Variants in SLTM observed in about 807,000 individuals in gnomAD.
SLTM encodes SAFB-like transcription modulator.
Under a neutral mutation model 134.6 loss-of-function variants are expected in SLTM, and 43 were observed. The observed-to-expected ratio is 0.32, with a 90% CI of 0.25 to 0.41. SLTM has a LOEUF of 0.41. SLTM is among the 10% of genes least tolerant of loss of function. The probability of loss-of-function intolerance (pLI) is 1.00; values close to 1 mark genes in which losing one functional copy is unlikely to be tolerated. For missense variants in SLTM, 1,055 were observed against 1,288.8 expected, an observed-to-expected ratio of 0.82 and a Z score of 2.78; for synonymous variants, 424 against 432.3, an observed-to-expected ratio of 0.98 and a Z score of 0.24.
chr15:58,902,389 G>GT (rs11380812), intron 5 of SLTM, among the ~76,000 whole-genome samples: 136,913 of 142,870 alleles, frequency 0.96, 65,739 homozygotes, highest in Middle Eastern at 1. Flanking sequence ...TGTTTTGATT[G>GT]TTTTTTTTTT....
chr15:58,881,085 G>A (rs867447528), intron 20 of SLTM, among the ~76,000 whole-genome samples: 1 of 151,966 alleles, frequency 6.6e-6, no homozygotes, highest in Admixed American at 6.6e-5. Context: ...TTGGGAGGCC[G>A]AGGCGGGCGG....
At chr15:58,916,862 A>G in intron 3 of SLTM, 73 bp downstream of exon 3, 1 of 1,381,208 alleles carries the variant, frequency 7.2e-7, no homozygotes, top group Non-Finnish European at 1.0e-6. Context: ...TTGTTCAACA[A>G]AAAGCACAAA....
Position 58,890,473 on chromosome 15 carries a change from C to G in SLTM, c.1899-12G>C. On this transcript the variant is annotated splice_polypyrimidine_tract_variant and intron_variant, in intron 14 of 20. Transcript: ENST00000380516. ...CAATCTCTCTTCGTCTACCAAAAAT[C>G]AGTATTTAGAAATACTTAAATTATG... is the stretch of plus-strand genomic sequence containing the variant. The G allele has an allele frequency of 6.2e-7, 1 of 1,611,658 alleles. No individual in the cohort carries two copies. Among genetic ancestry groups the G allele is most frequent in the African/African-American group, 1.3e-5 (1 of 74,892 alleles).
intron 3 of SLTM, among the ~76,000 whole-genome samples, chr15:58,915,593 C>G (rs1486028772): frequency 6.6e-6 from 1 of 152,138 alleles, no homozygotes; most frequent in Non-Finnish European, 1.5e-5. Context: ...CAAACACAAG[C>G]TGATTACAGG....
intron 5 of SLTM, among the ~76,000 whole-genome samples, chr15:58,907,992 A>G (rs2035982442): frequency 8.3e-6 from 1 of 120,250 alleles, no homozygotes; most frequent in African/African-American, 3.4e-5. Context: ...ATCCCTATAT[A>G]AACATGCTGC....
intron 6 of SLTM, 72 bp from the exon 7 acceptor site, chr15:58,900,009 T>C (rs2035354896): frequency 2.5e-6 from 3 of 1,208,780 alleles, no homozygotes; most frequent in Non-Finnish European, 1.1e-6. Context: ...TAAGCTAGAA[T>C]AGGACCTAGA....
intron 19 of SLTM, among the ~76,000 whole-genome samples, chr15:58,886,052 A>C (rs1267649637): frequency 6.6e-6 from 1 of 152,168 alleles, no homozygotes; most frequent in Non-Finnish European, 1.5e-5. Flanking sequence ...TGTCCAGCTC[A>C]TTAACTTACA....
chr15:58,890,364 GCTCT>G lies in SLTM; in HGVS notation c.1992_1995del (p.Arg664SerfsTer3). The stretch of plus-strand genomic sequence containing the variant: ...AGTTTTTGCCTTTCAATTTCTAGGC[GCTCT>G]CTCTCTCTCTGTAAGCGTTCCCGTT... On this transcript the variant is annotated frameshift_variant, in exon 15 of 21. Coordinates refer to ENST00000380516, the MANE Select transcript of SLTM (RefSeq NM_024755.4). LOFTEE classifies it high-confidence loss of function. 6.2e-7 allele frequency: 1 copy of G among 1,602,374 alleles called. No individual in the cohort carries two copies. The highest frequency in any genetic ancestry group is 1.1e-5 in the South Asian group (1 of 90,132).
At chr15:58,896,280 G>A (rs371343002) in intron 9 of SLTM, among the ~76,000 whole-genome samples, 6 of 152,048 alleles carry the variant, frequency 3.9e-5, no homozygotes, top group South Asian at 2.1e-4. Context: ...ATATTTAGGC[G>A]TGGTGCGATG....
intron 9 of SLTM, 82 bp downstream of exon 9, chr15:58,897,033 T>C (rs1248184307): frequency 1.0e-5 from 8 of 800,942 alleles, no homozygotes; most frequent in African/African-American, 8.6e-5. Context: ...TTAGAAGATA[T>C]TCATGTAATA....
chr15:58,933,282 C>G, intron 1 of SLTM, 122 bp downstream of exon 1: 1 of 1,146,234 alleles, frequency 8.7e-7, no homozygotes, highest in African/African-American at 1.6e-5. Context: ...CCTGGCCTCC[C>G]TACCATGCCG....
At chr15:58,896,217 C>A in intron 9 of SLTM, among the ~76,000 whole-genome samples, 1 of 152,104 alleles carries the variant, frequency 6.6e-6, no homozygotes, top group Non-Finnish European at 1.5e-5. Flanking sequence ...CCCTTTTTAA[C>A]ACCTGTGTAC....
chr15:58,915,583 C>G (rs1393460021), intron 3 of SLTM, among the ~76,000 whole-genome samples: 1 of 152,078 alleles, frequency 6.6e-6, no homozygotes, highest in African/African-American at 2.4e-5. Flanking sequence ...CTTAAAGGCT[C>G]AAACACAAGC....
intron 15 of SLTM, 123 bp downstream of exon 15, chr15:58,890,158 A>C: frequency 9.0e-7 from 1 of 1,109,674 alleles, no homozygotes; most frequent in Non-Finnish European, 1.3e-6. Flanking sequence ...AGGGACACTT[A>C]AAAGCTCCTT....
Position 58,913,697 on chromosome 15 carries a change from C to G in SLTM, c.316-1G>C. ...CCTCTTGATTCTCCAATTCACAGTC[C>G]TTTTAATGGTAAGAAAATTTGGTAC... is the stretch of plus-strand genomic sequence containing the variant. On this transcript the variant is annotated splice_acceptor_variant, in intron 3 of 20. Transcript: ENST00000380516. LOFTEE classifies it high-confidence loss of function. The G allele has an allele frequency of 6.2e-7, 1 of 1,612,202 alleles. No homozygotes were observed. The highest frequency in any genetic ancestry group is 8.5e-7 in the Non-Finnish European group (1 of 1,179,236).
chr15:58,901,026 C>T (rs2035451458), intron 6 of SLTM: 2 of 411,720 alleles, frequency 4.9e-6, no homozygotes, highest in Non-Finnish European at 8.8e-6. Context: ...TAAAAAATAG[C>T]ATTGTTCACT....
At chr15:58,926,067 C>A (rs1051078471) in intron 2 of SLTM, among the ~76,000 whole-genome samples, 1 of 152,140 alleles carries the variant, frequency 6.6e-6, no homozygotes, top group Non-Finnish European at 1.5e-5. Context: ...ACCTGGGGAG[C>A]TTTTAGAAAA....
At chr15:58,932,530 C>T in intron 1 of SLTM, 87 bp from the exon 2 acceptor site, 2 of 924,044 alleles carry the variant, frequency 2.2e-6, no homozygotes, top group Admixed American at 2.0e-5. Flanking sequence ...TAGCAAACCT[C>T]AAGCCTCAAG....
chr15:58,932,366 A>C lies in SLTM; in HGVS notation c.240T>G (p.Thr80=). Residue 80 remains threonine (T), a synonymous_variant, in exon 2 of 21, where the codon ACT becomes ACG. Transcript: ENST00000380516. The part of the protein sequence containing the change: ...VSTDTPNKKP[T]KGKGKKHEAD... The stretch of plus-strand genomic sequence containing the variant: ...ATAACTCGTAACAACCTTTGCCTTT[A>C]GTTGGTTTCTTGTTTGGAGTATCAG... The C allele has an allele frequency of 6.2e-7, 1 of 1,612,262 alleles. No homozygotes were observed. The highest frequency in any genetic ancestry group is 8.5e-7 in the Non-Finnish European group (1 of 1,178,342).
Sources: gnomAD v4.1 joint callset for allele counts (sites outside exome capture counted in the v4.1 genomes callset) on GRCh38, gnomAD v4.1.1 for gene constraint, MANE v1.5 for transcripts, NCBI Gene and HGNC (gene_info 2026-07-23, HGNC 2026-07-21) for gene names.